The following NPEPPS variants were observed in gnomAD, a reference collection of about 807,000 sequenced individuals.
NPEPPS encodes aminopeptidase puromycin sensitive, also known as puromycin-sensitive aminopeptidase.
In NPEPPS, 14 loss-of-function variants were observed where a neutral mutation model predicts 115.5. The observed-to-expected ratio is 0.12, with a 90% CI of 0.08 to 0.19. NPEPPS has a LOEUF of 0.19. NPEPPS is among the 10% of genes least tolerant of loss of function. The pLI, the probability that NPEPPS is intolerant of heterozygous loss-of-function variation, is 1.00. For synonymous variants in NPEPPS, 285 were observed against 390.6 expected, an observed-to-expected ratio of 0.73 and a Z score of 3.19; for missense variants, 523 against 1,110.8, an observed-to-expected ratio of 0.47 and a Z score of 7.52.
chr17:47,529,883 C>G (rs1274550616), upstream of NPEPPS, among the ~76,000 whole-genome samples: 1 of 138,490 alleles, frequency 7.2e-6, no homozygotes, highest in East Asian at 2.1e-4. Context: ...TAAAAAGAAA[C>G]AAAGATGAAA....
intron 17 of NPEPPS, among the ~76,000 whole-genome samples, chr17:47,610,803 T>C (rs939976623): frequency 6.6e-6 from 1 of 151,198 alleles, no homozygotes; most frequent in South Asian, 2.1e-4. Context: ...TCATTTATTT[T>C]CAAGATACCT....
intron 1 of NPEPPS, among the ~76,000 whole-genome samples, chr17:47,541,283 A>AT (rs1908744058): frequency 1.3e-5 from 2 of 152,022 alleles, no homozygotes; most frequent in Admixed American, 1.3e-4. Flanking sequence ...CACAGTTATT[A>AT]TTTTGCTGGC....
chr17:47,596,534 C>A, intron 13 of NPEPPS, 72 bp downstream of exon 13: 2 of 897,910 alleles, frequency 2.2e-6, no homozygotes, highest in Non-Finnish European at 1.6e-6. Flanking sequence ...ATCAAGTTTG[C>A]TTTTCTGTAC....
At chr17:47,619,530 G>C in intron 21 of NPEPPS, 1 of 561,548 alleles carries the variant, frequency 1.8e-6, no homozygotes. Flanking sequence ...CTCCAGCCTG[G>C]GCAACAAGTG....
At chr17:47,535,832 C>CTTTT (rs553790964) in intron 1 of NPEPPS, among the ~76,000 whole-genome samples, 12 of 100,986 alleles carry the variant, frequency 1.2e-4, no homozygotes, top group East Asian at 3.0e-4. Flanking sequence ...ATTGGGTATT[C>CTTTT]TTTTTTTTTT....
At chr17:47,588,924 A>AT (rs949957913) in intron 9 of NPEPPS, among the ~76,000 whole-genome samples, 27 of 150,384 alleles carry the variant, frequency 1.8e-4, no homozygotes, top group African/African-American at 4.4e-4. Context: ...TATCAAAATA[A>AT]TTTTTTTTTT....
At position 47,605,399 on chromosome 17, in the gene NPEPPS, A is replaced by G. The variant is rs1177199481; in HGVS notation, c.1942A>G (p.Asn648Asp). Residue 648 changes from asparagine (N) to aspartate (D), a missense_variant, in exon 17 of 23, where the codon AAT (asparagine) becomes GAT (aspartate). By Grantham distance (23) the Asn-to-Asp change is conservative. Coordinates refer to ENST00000322157, the MANE Select transcript of NPEPPS (RefSeq NM_006310.4). ...KVMEAFVNEPNYTVWSDLSCN... is the reference protein window; with the variant it reads ...KVMEAFVNEPDYTVWSDLSCN... ...CATGGAGGCTTTTGTGAATGAGCCC[A>G]ATTATACTGTATGGAGCGACCTGAG... The G allele has an allele frequency of 1.2e-6, 2 of 1,611,492 alleles. No individual in the cohort carries two copies. Among genetic ancestry groups the G allele is most frequent in the East Asian group, 4.5e-5 (2 of 44,870 alleles).
At chr17:47,602,564 G>A (rs1278969413) in intron 15 of NPEPPS, among the ~76,000 whole-genome samples, 3 of 151,366 alleles carry the variant, frequency 2.0e-5, no homozygotes, top group Non-Finnish European at 4.4e-5. Flanking sequence ...CTTGAACCCA[G>A]GAGGCGGAGG....
rs1912361704 is a variant in NPEPPS at position 47,589,183 on chromosome 17, G to A, written c.1096-1534G>A. On this transcript the variant is annotated intron_variant, in intron 9 of 22. Transcript: ENST00000322157. ...ACTGGTCTCAAACTCCTGGGCTCAA[G>A]CAATCCTCCCACCTCAGCCTCCCAA... 2.0e-5 allele frequency among the ~76,000 whole-genome samples: 3 copies of A among 152,048 alleles called. No individual in the cohort carries two copies. In the South Asian group the frequency reaches 6.2e-4, roughly 32 times the overall value.
At chr17:47,548,301 G>T (rs1363103541) in intron 2 of NPEPPS, 1 of 152,212 alleles carries the variant, frequency 6.6e-6, no homozygotes, top group East Asian at 1.9e-4. Context: ...GGACTTGAGT[G>T]AGTGCCAGCT....
At chr17:47,584,979 C>T (rs926518206) in intron 5 of NPEPPS, among the ~76,000 whole-genome samples, 1 of 152,118 alleles carries the variant, frequency 6.6e-6, no homozygotes, top group Non-Finnish European at 1.5e-5. Flanking sequence ...AGGCACCCCC[C>T]ACCATGCCTG....
intron 20 of NPEPPS, 66 bp from the exon 21 acceptor site, chr17:47,618,943 G>T: frequency 7.0e-7 from 1 of 1,436,300 alleles, no homozygotes; most frequent in Middle Eastern, 2.2e-4. Context: ...TCACAGTATG[G>T]TGCACTTTCT....
chr17:47,554,354 A>T (rs543921757), intron 2 of NPEPPS, among the ~76,000 whole-genome samples: 50 of 150,788 alleles, frequency 3.3e-4, no homozygotes, highest in African/African-American at 4.4e-4. Context: ...TCTTCTTTTT[A>T]AAAAAAATTA....
At chr17:47,546,356 G>T (rs1597822350) in intron 2 of NPEPPS, among the ~76,000 whole-genome samples, 1 of 152,000 alleles carries the variant, frequency 6.6e-6, no homozygotes, top group African/African-American at 2.4e-5. Context: ...AGCCCAGGTG[G>T]CCGAGGCTGC....
intron 2 of NPEPPS, among the ~76,000 whole-genome samples, chr17:47,552,436 G>A (rs1909717737): frequency 1.3e-5 from 2 of 152,132 alleles, no homozygotes; most frequent in Non-Finnish European, 2.9e-5. Flanking sequence ...TTCCTTTTTA[G>A]TGCAAATCAG....
At chr17:47,601,528 G>A in intron 14 of NPEPPS, 80 bp from the exon 15 acceptor site, 1 of 1,537,278 alleles carries the variant, frequency 6.5e-7, no homozygotes, top group Non-Finnish European at 8.9e-7. Flanking sequence ...TAGGCTCCTG[G>A]TTAGAACACC....
chr17:47,599,078 CAT>C (rs1211619678), intron 13 of NPEPPS, among the ~76,000 whole-genome samples: 1 of 152,152 alleles, frequency 6.6e-6, no homozygotes, highest in Admixed American at 6.5e-5. Flanking sequence ...AGCTGTGTAA[CAT>C]ATCTTGATTA....
intron 2 of NPEPPS, 78 bp downstream of exon 2, chr17:47,546,071 T>TGA (rs1346012934): frequency 6.2e-5 from 87 of 1,407,836 alleles, no homozygotes; most frequent in Middle Eastern, 1.8e-4. Context: ...TGTGTGTGTG[T>TGA]GTGAGAGAGA....
intron 1 of NPEPPS, among the ~76,000 whole-genome samples, chr17:47,541,176 T>C (rs971211106): frequency 1.3e-5 from 2 of 152,148 alleles, no homozygotes; most frequent in Non-Finnish European, 2.9e-5. Flanking sequence ...TATCTTGACA[T>C]TGGTGGATTA....
Sources: gnomAD v4.1 joint callset for allele counts (sites outside exome capture counted in the v4.1 genomes callset) on GRCh38, gnomAD v4.1.1 for gene constraint, MANE v1.5 for transcripts, NCBI Gene and HGNC (gene_info 2026-07-23, HGNC 2026-07-21) for gene names.